Variants in FSTL5 observed in about 807,000 individuals in gnomAD.
The protein encoded by FSTL5 is follistatin like 5, also known as follistatin-related protein 5.
A neutral mutation model predicts 89.1 loss-of-function variants in FSTL5; 62 were observed. That is an observed-to-expected ratio of 0.70 (90% CI 0.57 to 0.86). The LOEUF is 0.86. Among genes scored for constraint, FSTL5 ranks in the 40% least tolerant of loss-of-function variants. The pLI, the probability that FSTL5 is intolerant of heterozygous loss-of-function variation, is 0.00. For missense variants in FSTL5, 1,057 were observed against 1,001.6 expected (o/e 1.06, Z -0.75); for synonymous variants, 383 against 346.2 (o/e 1.11, Z -1.18).
chr4:161,733,635 T>G (rs974801785), intron 6 of FSTL5, among the ~76,000 whole-genome samples: 2 of 152,040 alleles, frequency 1.3e-5, no homozygotes, highest in African/African-American at 2.4e-5. Context: ...GCTAAAGTCT[T>G]TCATTGATGT....
intron 6 of FSTL5, among the ~76,000 whole-genome samples, chr4:161,709,107 A>G (rs532881548): frequency 1.3e-5 from 2 of 152,326 alleles, no homozygotes; most frequent in East Asian, 1.9e-4. Context: ...TGGACCTAAT[A>G]TAGTAGACTT....
intron 1 of FSTL5, among the ~76,000 whole-genome samples, chr4:162,126,457 T>C (rs1732084141): frequency 6.6e-6 from 1 of 152,172 alleles, no homozygotes; most frequent in Admixed American, 6.5e-5. Flanking sequence ...AATGTGTCTT[T>C]TATTTGGTAG....
At chr4:161,913,316 G>C (rs949193747) in intron 4 of FSTL5, among the ~76,000 whole-genome samples, 3 of 152,164 alleles carry the variant, frequency 2.0e-5, no homozygotes, top group East Asian at 1.9e-4. Context: ...GGAAGAAAAA[G>C]TGGTTTGGTA....
chr4:161,496,832 A>ATAGAGG (rs1354402051), intron 12 of FSTL5, among the ~76,000 whole-genome samples: 4 of 152,140 alleles, frequency 2.6e-5, no homozygotes, highest in Admixed American at 2.6e-4. Context: ...AGAGATAGAG[A>ATAGAGG]TAGAGATCAA....
chr4:161,694,154 T>C (rs902473699), intron 6 of FSTL5, among the ~76,000 whole-genome samples: 5 of 152,200 alleles, frequency 3.3e-5, no homozygotes, highest in African/African-American at 9.6e-5. Flanking sequence ...AACTATTCCC[T>C]TGCTTTTCTA....
At chr4:161,977,639 A>AAAAAAATAATAAT (rs1553988132) in intron 3 of FSTL5, among the ~76,000 whole-genome samples, 1 of 101,244 alleles carries the variant, frequency 9.9e-6, no homozygotes, top group East Asian at 3.4e-4. Flanking sequence ...AAAAAAAAAA[A>AAAAAAATAATAAT]AATAATAATA....
intron 1 of FSTL5, among the ~76,000 whole-genome samples, chr4:162,126,844 G>A (rs759785162): frequency 3.9e-5 from 6 of 152,170 alleles, no homozygotes; most frequent in Non-Finnish European, 8.8e-5. Context: ...GTGCATGTGT[G>A]CATGTGGGCC....
intron 15 of FSTL5, 56 bp from the exon 16 acceptor site, chr4:161,386,505 G>GA (rs554050658): frequency 1.1e-5 from 14 of 1,255,502 alleles, no homozygotes; most frequent in South Asian, 4.4e-5. Flanking sequence ...TTAGCCGTAA[G>GA]AAAAAAACTA....
At chr4:161,418,833 A>G (rs1731880643) in intron 15 of FSTL5, among the ~76,000 whole-genome samples, 1 of 152,238 alleles carries the variant, frequency 6.6e-6, no homozygotes, top group Non-Finnish European at 1.5e-5. Flanking sequence ...TGTTGGGAAC[A>G]AAATAGGCAA....
chr4:161,812,517 A>ACACAC (rs111603297), intron 4 of FSTL5, among the ~76,000 whole-genome samples: 212 of 151,330 alleles, frequency 1.4e-3, no homozygotes, highest in African/African-American at 4.7e-3. Flanking sequence ...AGTTAAGAAA[A>ACACAC]ACACACACAC....
chr4:161,783,647 CTCTCTTTCTTTCTT>C (rs1407892074), intron 4 of FSTL5, among the ~76,000 whole-genome samples: 2,223 of 92,280 alleles, frequency 0.024, 219 homozygotes, highest in South Asian at 0.042. Flanking sequence ...CTTTCTTTCT[CTCTCTTTCTTTCTT>C]TCTCTTTCTT....
At chr4:161,912,901 T>C (rs950638028) in intron 4 of FSTL5, among the ~76,000 whole-genome samples, 1 of 152,142 alleles carries the variant, frequency 6.6e-6, no homozygotes, top group Non-Finnish European at 1.5e-5. Context: ...AAGAAAATTC[T>C]TGGGAGTTGG....
At chr4:161,981,149 T>G (rs939091511) in intron 3 of FSTL5, among the ~76,000 whole-genome samples, 1 of 152,146 alleles carries the variant, frequency 6.6e-6, no homozygotes, top group Admixed American at 6.6e-5. Flanking sequence ...AGTTCTAAGA[T>G]ACCTATTGCT....
intron 4 of FSTL5, among the ~76,000 whole-genome samples, chr4:161,844,070 A>G (rs1048903328): frequency 1.3e-5 from 2 of 152,212 alleles, no homozygotes; most frequent in African/African-American, 4.8e-5. Flanking sequence ...AATATCCAGA[A>G]TCTGCAAGGA....
At chr4:161,715,119 G>A (rs1560805169) in intron 6 of FSTL5, among the ~76,000 whole-genome samples, 1 of 152,108 alleles carries the variant, frequency 6.6e-6, no homozygotes, top group Non-Finnish European at 1.5e-5. Context: ...CATGTTTTAA[G>A]GAGGAGGGTG....
intron 3 of FSTL5, among the ~76,000 whole-genome samples, chr4:161,954,705 C>A (rs1343838429): frequency 1.3e-5 from 2 of 151,580 alleles, no homozygotes; most frequent in African/African-American, 4.8e-5. Context: ...CTTCTTTTAT[C>A]ACATTTTTAT....
At chr4:162,031,660 G>A (rs756140352) in intron 3 of FSTL5, among the ~76,000 whole-genome samples, 18 of 152,100 alleles carry the variant, frequency 1.2e-4, no homozygotes, top group Non-Finnish European at 2.4e-4. Flanking sequence ...GTCTAGGGCC[G>A]GGCGCGGTGG....
intron 6 of FSTL5, among the ~76,000 whole-genome samples, chr4:161,697,104 A>T (rs1014522450): frequency 6.6e-6 from 1 of 152,202 alleles, no homozygotes; most frequent in Non-Finnish European, 1.5e-5. Context: ...CACAACTCAG[A>T]TCTCCATAGC....
At chr4:161,977,891 A>C (rs1448001089) in intron 3 of FSTL5, among the ~76,000 whole-genome samples, 1 of 152,020 alleles carries the variant, frequency 6.6e-6, no homozygotes, top group Non-Finnish European at 1.5e-5. Flanking sequence ...GGGACTGATA[A>C]TTCATAATTC....
Sources: allele counts gnomAD v4.1 joint callset (sites outside exome capture counted in the v4.1 genomes callset), GRCh38; gene constraint gnomAD v4.1.1; transcripts MANE v1.5; gene names NCBI Gene and HGNC (gene_info 2026-07-23, HGNC 2026-07-21).